DYNC2I1: variants seen among roughly 807,000 people sequenced by gnomAD.
DYNC2I1 encodes cytoplasmic dynein 2 intermediate chain 1.
Under a neutral mutation model 133.4 loss-of-function variants are expected in DYNC2I1, and 89 were observed. The ratio of observed to expected loss-of-function variants is 0.67; its 90% CI spans 0.56 to 0.80. The LOEUF (loss-of-function observed/expected upper bound fraction) is 0.80. Ranked by LOEUF, DYNC2I1 falls within the 30% of genes least tolerant of loss-of-function variation. DYNC2I1 has a pLI of 0.00. For synonymous variants in DYNC2I1, 504 were observed against 484.3 expected (o/e 1.04, Z -0.54); for missense variants, 1,291 against 1,314.5 (o/e 0.98, Z 0.28).
chr7:158,909,614 G>C (rs1048215458), intron 11 of DYNC2I1, among the ~76,000 whole-genome samples: 6 of 152,100 alleles, frequency 3.9e-5, no homozygotes, highest in Non-Finnish European at 5.9e-5. Flanking sequence ...GGTAAAAGTT[G>C]GATTTAAAAC....
intron 4 of DYNC2I1, among the ~76,000 whole-genome samples, chr7:158,952,245 C>T (rs981267217): frequency 1.3e-5 from 2 of 152,198 alleles, no homozygotes; most frequent in African/African-American, 2.4e-5. Context: ...GGGCAGGTTC[C>T]TCCCACCTTC....
intron 24 of DYNC2I1, 100 bp downstream of exon 24, chr7:158,942,248 A>G: frequency 1.2e-6 from 1 of 858,624 alleles, no homozygotes; most frequent in Non-Finnish European, 1.7e-6. Context: ...TGAGGCTGCT[A>G]CATTTTAAGA....
chr7:158,929,885 A>T (rs1041317424), intron 20 of DYNC2I1, among the ~76,000 whole-genome samples: 2 of 152,246 alleles, frequency 1.3e-5, no homozygotes, highest in African/African-American at 2.4e-5. Flanking sequence ...AAGGAAGAGC[A>T]GTCAGGCCTC....
At chr7:158,926,922 C>A in intron 19 of DYNC2I1, 70 bp from the exon 20 acceptor site, 1 of 1,153,990 alleles carries the variant, frequency 8.7e-7, no homozygotes, top group Non-Finnish European at 1.3e-6. Context: ...TTAATTAGAG[C>A]TATGCTTTGC....
the DYNC2I1 span, among the ~76,000 whole-genome samples, chr7:158,842,418 T>C: frequency 1.2e-4 from 18 of 152,326 alleles, 1 homozygote; most frequent in African/African-American, 3.8e-4. Context: ...GCCGACATAG[T>C]GTGACCTGGT....
In DYNC2I1 at chr7:158,916,135, C is replaced by T. The variant is rs62476501; in HGVS notation, c.1791+1814C>T. Among the ~76,000 whole-genome samples, 8 of 82,670 alleles carry T rather than the reference C, an allele frequency of 9.7e-5. 1 individual carries two copies. Among genetic ancestry groups the T allele is most frequent in the African/African-American group, 2.3e-4 (6 of 26,320 alleles). 54.2% of individuals were successfully genotyped at this position (82,670 alleles called of 152,430 possible). A position where few individuals can be genotyped will look rare whatever the true frequency, so the allele number is the denominator to read the frequency against. The stretch of plus-strand genomic sequence containing the variant: ...GTTGACATTAAGGATGATTGTGAAA[C>T]GTCGACATGGTGGTTGACATTAAGG... On this transcript the variant is annotated intron_variant, in intron 14 of 24. Coordinates refer to ENST00000407559, the MANE Select transcript of DYNC2I1 (RefSeq NM_018051.5).
intron 14 of DYNC2I1, among the ~76,000 whole-genome samples, chr7:158,916,699 G>T (rs559859395): frequency 1.4e-5 from 1 of 73,798 alleles, no homozygotes; most frequent in East Asian, 3.0e-4. Context: ...AAGGATGATT[G>T]TGAAACGTCT....
the DYNC2I1 span, among the ~76,000 whole-genome samples, chr7:158,845,149 T>G: frequency 6.6e-6 from 1 of 152,088 alleles, no homozygotes; most frequent in Non-Finnish European, 1.5e-5. Flanking sequence ...TCCAACTGGT[T>G]TATTGTTGTT....
intron 14 of DYNC2I1, among the ~76,000 whole-genome samples, chr7:158,916,388 G>T: frequency 1.2e-5 from 1 of 85,660 alleles, no homozygotes; most frequent in East Asian, 2.5e-4. Context: ...TGACATTAAG[G>T]ATGATTGTGA....
chr7:158,898,273 G>C (rs1362954580), intron 8 of DYNC2I1, among the ~76,000 whole-genome samples: 2 of 152,158 alleles, frequency 1.3e-5, no homozygotes, highest in Non-Finnish European at 2.9e-5. Flanking sequence ...GTGCCGTGGA[G>C]TTCAGCTATA....
chr7:158,859,195 G>A (rs1043240532), intron 1 of DYNC2I1, among the ~76,000 whole-genome samples: 9 of 151,008 alleles, frequency 6.0e-5, no homozygotes, highest in African/African-American at 2.2e-4. Context: ...GTATATGTGG[G>A]AAGAAAACTG....
At chr7:158,911,733 A>G in intron 12 of DYNC2I1, 54 bp downstream of exon 12, 4 of 1,548,266 alleles carry the variant, frequency 2.6e-6, no homozygotes, top group Non-Finnish European at 3.5e-6. Context: ...GTCTAGTAGG[A>G]TAACTTTGTG....
At chr7:158,941,169 A>G (rs759631262) in intron 23 of DYNC2I1, among the ~76,000 whole-genome samples, 2 of 152,228 alleles carry the variant, frequency 1.3e-5, no homozygotes, top group African/African-American at 4.8e-5. Context: ...AGAAATACAA[A>G]TAATCATTAG....
At chr7:158,865,187 C>T (rs1327642392) in intron 1 of DYNC2I1, among the ~76,000 whole-genome samples, 11 of 152,214 alleles carry the variant, frequency 7.2e-5, no homozygotes, top group African/African-American at 2.4e-4. Flanking sequence ...GATGGTGCAC[C>T]TTGGAGGTGA....
intron 23 of DYNC2I1, among the ~76,000 whole-genome samples, chr7:158,940,873 A>G (rs558907459): frequency 4.3e-4 from 65 of 152,330 alleles, no homozygotes; most frequent in Non-Finnish European, 7.4e-4. Flanking sequence ...GCCTACATCT[A>G]AAAAAGTAGA....
At chr7:158,900,940 C>T (rs968079144) in intron 8 of DYNC2I1, among the ~76,000 whole-genome samples, 1 of 152,028 alleles carries the variant, frequency 6.6e-6, no homozygotes, top group African/African-American at 2.4e-5. Flanking sequence ...CTTAGACTTT[C>T]CATCTCTCTG....
At chr7:158,918,382 C>T (rs1267308214) in intron 14 of DYNC2I1, among the ~76,000 whole-genome samples, 2 of 152,316 alleles carry the variant, frequency 1.3e-5, no homozygotes, top group African/African-American at 4.8e-5. Flanking sequence ...TGGCTTTTTA[C>T]CAAAACCCAG....
At chr7:158,856,775 G>T in intron 1 of DYNC2I1, 25 bp downstream of exon 1, 1 of 1,234,058 alleles carries the variant, frequency 8.1e-7, no homozygotes, top group Non-Finnish European at 1.0e-6. Context: ...GGGTCTGGGC[G>T]AGGGGTGGTC....
intron 20 of DYNC2I1, among the ~76,000 whole-genome samples, chr7:158,929,678 A>G (rs1409203965): frequency 1.3e-5 from 2 of 152,166 alleles, no homozygotes; most frequent in Non-Finnish European, 2.9e-5. Context: ...GCTTATTTCT[A>G]TCTCCTTTTA....
Sources: gnomAD v4.1 joint callset for allele counts (sites outside exome capture counted in the v4.1 genomes callset) on GRCh38, gnomAD v4.1.1 for gene constraint, MANE v1.5 for transcripts, NCBI Gene and HGNC (gene_info 2026-07-23, HGNC 2026-07-21) for gene names.